The following DSCAM variants were observed in gnomAD, a reference collection of about 807,000 sequenced individuals.
DSCAM encodes cell adhesion molecule DSCAM.
Under a neutral mutation model 217.7 loss-of-function variants are expected in DSCAM, and 47 were observed. The observed-to-expected ratio is 0.22, with a 90% CI of 0.17 to 0.28. The LOEUF is 0.28. Among genes scored for constraint, DSCAM ranks in the 10% least tolerant of loss-of-function variants. The pLI is 1.00. For synonymous variants in DSCAM, 1,056 were observed against 1,015.3 expected (o/e 1.04, Z -0.76); for missense variants, 2,080 against 2,618.3 (o/e 0.79, Z 4.49).
intron 1 of DSCAM, among the ~76,000 whole-genome samples, chr21:40,816,525 G>A (rs1388420228): frequency 4.6e-5 from 7 of 152,116 alleles, no homozygotes; most frequent in Non-Finnish European, 1.0e-4. Flanking sequence ...CCAGCGAGCC[G>A]AGATTGCACC....
At chr21:40,431,822 C>T (rs1391155620) in intron 3 of DSCAM, among the ~76,000 whole-genome samples, 3 of 152,200 alleles carry the variant, frequency 2.0e-5, no homozygotes, top group African/African-American at 7.2e-5. Flanking sequence ...TTTCTAGAGT[C>T]AACCGTACTA....
At position 40,187,401 on chromosome 21, in the gene DSCAM, T is replaced by C. The variant is rs59419409; in HGVS notation, c.2651-142A>G. The C allele has an allele frequency of 0.017, 19,999 of 1,168,934 alleles. 1,706 individuals are homozygous for C. The African/African-American group carries it at 0.22, about 13-fold the overall frequency. The allele number at this position is 1,168,934 out of a possible 1,614,324, so 72.4% of individuals were successfully genotyped here. On this transcript the variant is annotated intron_variant, in intron 13 of 32. Coordinates refer to ENST00000400454, the MANE Select transcript of DSCAM (RefSeq NM_001389.5). Reference sequence around the variant, plus strand: ...GCTTTTTATTTGGAAGCATTTTCTTTTTCCTAATCACATTTTAGGGAAGAG... The same window carrying C: ...GCTTTTTATTTGGAAGCATTTTCTTCTTCCTAATCACATTTTAGGGAAGAG...
intron 3 of DSCAM, among the ~76,000 whole-genome samples, chr21:40,495,788 C>A (rs1197735855): frequency 6.6e-6 from 1 of 152,020 alleles, no homozygotes; most frequent in Non-Finnish European, 1.5e-5. Context: ...ATTCTAAATA[C>A]TCCACCATAA....
intron 11 of DSCAM, among the ~76,000 whole-genome samples, chr21:40,241,233 T>G (rs2146942192): frequency 6.6e-6 from 1 of 152,250 alleles, no homozygotes; most frequent in East Asian, 1.9e-4. Context: ...ATTTGAAAAC[T>G]ATGCAACTGA....
chr21:40,214,213 G>A (rs1469705877), intron 11 of DSCAM, among the ~76,000 whole-genome samples: 3 of 152,210 alleles, frequency 2.0e-5, no homozygotes, highest in East Asian at 3.8e-4. Flanking sequence ...ATAGCTATCA[G>A]CCAGCCTGGC....
rs141543765 is a variant in DSCAM at position 40,058,213 on chromosome 21, G to A, written c.4920-2373C>T. Among the ~76,000 whole-genome samples, 134 of 152,060 alleles carry A rather than the reference G, an allele frequency of 8.8e-4. 2 individuals carry two copies. The East Asian group carries it at 0.021, about 24-fold the overall frequency. On this transcript the variant is annotated intron_variant, in intron 28 of 32. Transcript: ENST00000400454. Reference sequence around the variant, plus strand: ...TTTCTCTTTGCACTTGGCTGTTCCCGTTGTTTAGAACACACTTCCCCTGCT... The same window carrying A: ...TTTCTCTTTGCACTTGGCTGTTCCCATTGTTTAGAACACACTTCCCCTGCT...
chr21:40,703,354 A>G (rs752487782), intron 2 of DSCAM, among the ~76,000 whole-genome samples: 30 of 152,136 alleles, frequency 2.0e-4, no homozygotes, highest in Non-Finnish European at 4.0e-4. Context: ...CATCTCTACA[A>G]AAATAAAAAT....
At chr21:40,160,753 T>G (rs547764307) in intron 16 of DSCAM, among the ~76,000 whole-genome samples, 1 of 152,356 alleles carries the variant, frequency 6.6e-6, no homozygotes, top group East Asian at 1.9e-4. Flanking sequence ...ACTTGCCTTC[T>G]AAAGTTATAT....
intron 3 of DSCAM, among the ~76,000 whole-genome samples, chr21:40,466,112 T>C (rs1005425031): frequency 2.6e-5 from 4 of 152,206 alleles, no homozygotes; most frequent in East Asian, 1.9e-4. Flanking sequence ...TGTGGTCCCA[T>C]CTGTGATTCT....
intron 3 of DSCAM, among the ~76,000 whole-genome samples, chr21:40,483,229 A>G (rs912445219): frequency 6.6e-6 from 1 of 152,234 alleles, no homozygotes; most frequent in Non-Finnish European, 1.5e-5. Context: ...ACAAATTAGC[A>G]AATATCTATT....
chr21:40,683,314 T>C (rs73905059), intron 3 of DSCAM, among the ~76,000 whole-genome samples: 4,759 of 152,166 alleles, frequency 0.031, 178 homozygotes, highest in African/African-American at 0.088. Flanking sequence ...GATCTTGAAG[T>C]AGTGAATTTC....
intron 3 of DSCAM, among the ~76,000 whole-genome samples, chr21:40,505,348 C>T (rs1392525667): frequency 2.0e-5 from 3 of 152,074 alleles, no homozygotes; most frequent in African/African-American, 4.8e-5. Flanking sequence ...AGTATTGTTA[C>T]ATGCTAAAAG....
At chr21:40,017,600 C>CCCAG (rs2088182673) in intron 32 of DSCAM, among the ~76,000 whole-genome samples, 3 of 150,692 alleles carry the variant, frequency 2.0e-5, no homozygotes, top group Non-Finnish European at 4.4e-5. Context: ...TTGCTCTTGT[C>CCCAG]GCCCAGGCTG....
intron 9 of DSCAM, among the ~76,000 whole-genome samples, chr21:40,311,128 T>C: frequency 6.6e-6 from 1 of 152,144 alleles, no homozygotes; most frequent in East Asian, 1.9e-4. Context: ...GAAAGAGCTA[T>C]CTCCACTCTC....
intron 18 of DSCAM, among the ~76,000 whole-genome samples, chr21:40,137,262 TG>T (rs11300114): frequency 0.47 from 63,150 of 133,180 alleles, 14,826 homozygotes; most frequent in South Asian, 0.58. Flanking sequence ...GAATTAACAT[TG>T]GGGGGGGGGT....
chr21:40,614,780 T>C (rs898626294), intron 3 of DSCAM, among the ~76,000 whole-genome samples: 12 of 152,164 alleles, frequency 7.9e-5, no homozygotes, highest in African/African-American at 2.9e-4. Flanking sequence ...CAGAAGAATA[T>C]TGCAGGTCGA....
intron 1 of DSCAM, among the ~76,000 whole-genome samples, chr21:40,846,185 A>G (rs756731586): frequency 7.9e-5 from 12 of 152,134 alleles, no homozygotes; most frequent in South Asian, 6.2e-4. Context: ...GAAAAATCTC[A>G]AAAAGCATTG....
chr21:40,094,743 TCCTAA>T (rs2089654987), intron 20 of DSCAM, among the ~76,000 whole-genome samples: 1 of 152,202 alleles, frequency 6.6e-6, no homozygotes. Context: ...CTCCAGTCTT[TCCTAA>T]TTATTCTTAA....
At chr21:40,506,647 ATG>A (rs1203699831) in intron 3 of DSCAM, among the ~76,000 whole-genome samples, 3 of 152,216 alleles carry the variant, frequency 2.0e-5, no homozygotes, top group Non-Finnish European at 4.4e-5. Flanking sequence ...GATGAGGACT[ATG>A]TGTCAAGATT....
Sources: gnomAD v4.1 joint callset for allele counts (sites outside exome capture counted in the v4.1 genomes callset) on GRCh38, gnomAD v4.1.1 for gene constraint, MANE v1.5 for transcripts, NCBI Gene and HGNC (gene_info 2026-07-23, HGNC 2026-07-21) for gene names.